Variants in HOXA10 observed in about 807,000 individuals in gnomAD.
HOXA10 encodes homeobox A10.
Under a neutral mutation model 29.7 loss-of-function variants are expected in HOXA10, and 12 were observed. That is an observed-to-expected ratio of 0.40 (90% CI 0.26 to 0.65). The LOEUF is 0.65. Among genes scored for constraint, HOXA10 ranks in the 30% least tolerant of loss-of-function variants. The probability of loss-of-function intolerance (pLI) is 0.37; values close to 1 mark genes in which losing one functional copy is unlikely to be tolerated. For synonymous variants in HOXA10, 327 were observed against 280.7 expected, an observed-to-expected ratio of 1.16 and a Z score of -1.65; for missense variants, 656 against 585.9, an observed-to-expected ratio of 1.12 and a Z score of -1.24.
chr7:27,173,210 C>G, intron 1 of HOXA10, 139 bp downstream of exon 1: 1 of 1,375,324 alleles, frequency 7.3e-7, no homozygotes, highest in South Asian at 1.3e-5. Flanking sequence ...TATTAAAAAG[C>G]AAGTTCACAA....
upstream of HOXA10, chr7:27,174,394 G>T (rs1783608286): frequency 6.4e-7 from 1 of 1,565,874 alleles, no homozygotes; most frequent in African/African-American, 1.3e-5. Flanking sequence ...GAGTTTCCGC[G>T]CGACCACTCC....
chr7:27,171,801 G>A lies in HOXA10; in HGVS notation c.*98C>T. ...ATGGCGAGTGTGGGAGGGAGGAACA[G>A]GGCTCCAGCACAGGTGCGAGTTCCT... On this transcript the variant is annotated 3_prime_UTR_variant, in exon 2 of 2. Coordinates refer to ENST00000283921, the MANE Select transcript of HOXA10 (RefSeq NM_018951.4). 8.1e-7 allele frequency: 1 copy of A among 1,229,314 alleles called. No individual in the cohort carries two copies. The highest frequency in any genetic ancestry group is 1.2e-6 in the Non-Finnish European group (1 of 830,292). 76.2% of individuals were successfully genotyped at this position (1,229,314 alleles called of 1,614,324 possible).
intron 1 of HOXA10, chr7:27,179,594 C>T: frequency 1.3e-6 from 1 of 766,382 alleles, no homozygotes; most frequent in Middle Eastern, 2.3e-4. Flanking sequence ...CATCGGCCAC[C>T]TCCCCACTCC....
upstream of HOXA10, among the ~76,000 whole-genome samples, chr7:27,177,612 T>A (rs1481337910): frequency 6.6e-6 from 1 of 151,934 alleles, no homozygotes; most frequent in Non-Finnish European, 1.5e-5. Flanking sequence ...AACACTGGAG[T>A]GTTAGGTTTC....
At position 27,173,688 on chromosome 7, in the gene HOXA10, C is replaced by A. The variant is rs367645722; in HGVS notation, c.619G>T (p.Gly207Trp). 2 of 1,561,266 alleles carry A rather than the reference C, an allele frequency of 1.3e-6. No homozygotes were observed. Among genetic ancestry groups the A allele is most frequent in the East Asian group, 2.4e-5 (1 of 41,442 alleles). ...CGGAAGTAGCCAGGCACTGGCACCC[C>A]GCTGGAGGTGCCCAGGGCGCAGCCG... ...PDGCALGTSS[G>W]VPVPGYFRLS... The change falls in exon 1 of 2, where the codon GGG becomes TGG. Residue 207 changes from glycine (G) to tryptophan (W), a missense_variant. Around this residue, in one of 2 missense-constraint regions of HOXA10, gnomAD observed 594 missense variants for 491.9 expected, o/e 1.21. Transcript: ENST00000283921.
Position 27,171,274 on chromosome 7 carries a change from C to A in HOXA10, c.*625G>T. ...ATCTTACAGAGGAAGGAAAAATTAACCTTTTTTACTTTCTTTCTCACTTTT... is the reference window on the plus strand; with the variant it reads ...ATCTTACAGAGGAAGGAAAAATTAAACTTTTTTACTTTCTTTCTCACTTTT... On this transcript the variant is annotated 3_prime_UTR_variant, in exon 2 of 2. Coordinates refer to ENST00000283921, the MANE Select transcript of HOXA10 (RefSeq NM_018951.4). 2.2e-6 allele frequency: 1 copy of A among 454,086 alleles called. No individual in the cohort carries two copies. The highest frequency in any genetic ancestry group is 4.4e-6 in the Non-Finnish European group (1 of 226,792). The allele number at this position is 454,086 out of a possible 1,614,324, so 28.1% of individuals were successfully genotyped here.
In HOXA10 at chr7:27,173,743, C is replaced by T. The variant is rs1032040798; in HGVS notation, c.564G>A (p.Leu188=). 4 of 1,599,902 alleles carry T rather than the reference C, an allele frequency of 2.5e-6. No homozygotes were observed. The highest frequency in any genetic ancestry group is 2.6e-6 in the Non-Finnish European group (3 of 1,173,790). ...GCGGCGGGCCCCGCGGGAAGGGAGC[C>T]AGTTCGGCGGCGGTGGCCGAGACTT... is the stretch of plus-strand genomic sequence containing the variant. ...CPKVSATAAE[L]APFPRGPPPD... is the part of the protein sequence containing the mutation. The change falls in exon 1 of 2, where the codon CTG becomes CTA. Residue 188 remains leucine (L), a synonymous_variant. Coordinates refer to ENST00000283921, the MANE Select transcript of HOXA10 (RefSeq NM_018951.4).
rs375513480 is a variant in HOXA10, at chr7:27,173,749, G to C, written c.558C>G (p.Ala186=). The part of the protein sequence containing the change: ...DKCPKVSATA[A]ELAPFPRGPP... ...GGCCCCGCGGGAAGGGAGCCAGTTC[G>C]GCGGCGGTGGCCGAGACTTTGGGGC... Residue 186 remains alanine (A), a synonymous_variant, in exon 1 of 2, where the codon GCC becomes GCG. Transcript: ENST00000283921. 32 of 1,601,846 alleles carry C rather than the reference G, an allele frequency of 2.0e-5. No homozygotes were observed. The highest frequency in any genetic ancestry group is 2.6e-5 in the Non-Finnish European group (30 of 1,174,868).
chr7:27,174,641 C>A (rs886512701), upstream of HOXA10: 47 of 381,564 alleles, frequency 1.2e-4, no homozygotes, highest in African/African-American at 8.7e-4. Context: ...GGCCCTTGGG[C>A]CCCGCGCAGT....
intron 1 of HOXA10, 127 bp downstream of exon 1, chr7:27,173,222 G>T: frequency 6.9e-7 from 1 of 1,457,200 alleles, no homozygotes; most frequent in Non-Finnish European, 9.3e-7. Context: ...AGTTCACAAG[G>T]TCAGCCTGCC....
chr7:27,175,350 G>A (rs962323827), upstream of HOXA10, among the ~76,000 whole-genome samples: 6 of 152,256 alleles, frequency 3.9e-5, no homozygotes, highest in Middle Eastern at 3.4e-3. Flanking sequence ...TGCTCCTGGA[G>A]GCTACAACAA....
upstream of HOXA10, among the ~76,000 whole-genome samples, chr7:27,178,381 G>A (rs1036270768): frequency 2.6e-5 from 4 of 152,190 alleles, no homozygotes; most frequent in Non-Finnish European, 5.9e-5. Context: ...TGTCTGTTTT[G>A]AATCTATCAG....
rs1220847223 is a variant in HOXA10, at chr7:27,173,519, G to T, written c.788C>A (p.Ala263Glu). The T allele has an allele frequency of 1.6e-5, 24 of 1,463,324 alleles. No homozygotes were observed. Among genetic ancestry groups the T allele is most frequent in the East Asian group, 5.5e-5 (2 of 36,268 alleles). The allele number at this position is 1,463,324 out of a possible 1,614,324, so 90.6% of individuals were successfully genotyped here. ...ATCGAGGGCTCGCTCCTTCCGGGCC[G>T]CATCGGCCGAGCCGGAGGCTAGCGC... ...PPALASGSAD[A>E]ARKERALDSP... Residue 263 changes from alanine to glutamate, a missense_variant, in exon 1 of 2, where the codon GCG becomes GAG. Physicochemically the swap from Ala to Glu is moderately radical, Grantham distance 107. Transcript: ENST00000283921.
chr7:27,176,082 C>G (rs182639403), upstream of HOXA10, among the ~76,000 whole-genome samples: 3 of 152,310 alleles, frequency 2.0e-5, no homozygotes, highest in Non-Finnish European at 4.4e-5. Flanking sequence ...CGGCGCCCCA[C>G]GGTGACCCGG....
At position 27,171,534 on chromosome 7, in the gene HOXA10, G is replaced by A. The variant is rs1273900267; in HGVS notation, c.*365C>T. 2.1e-6 allele frequency: 1 copy of A among 474,462 alleles called. No individual in the cohort carries two copies. Among genetic ancestry groups the A allele is most frequent in the Non-Finnish European group, 4.2e-6 (1 of 240,554 alleles). 29.4% of individuals were successfully genotyped at this position (474,462 alleles called of 1,614,324 possible). ...GGACCTCGGCCTTCCGGCTAGGTTT[G>A]CCCCAGGCTGGGCAGGAAACCAGCT... On this transcript the variant is annotated 3_prime_UTR_variant, in exon 2 of 2. Coordinates refer to ENST00000283921, the MANE Select transcript of HOXA10 (RefSeq NM_018951.4).
At chr7:27,173,267 G>A in intron 1 of HOXA10, 82 bp downstream of exon 1, 1 of 1,585,950 alleles carries the variant, frequency 6.3e-7, no homozygotes, top group Non-Finnish European at 8.6e-7. Flanking sequence ...GCTGCTGCGC[G>A]GGCTCCTAGT....
rs1266899360 is a variant in HOXA10 at position 27,174,203 on chromosome 7, A to T, written c.104T>A (p.Ile35Asn). ...GCCTGCCTCGCCTCTGCCCGAGCTGATGAGCGAGTCGACCAAAAAAGAGTT... is the reference window on the plus strand; with the variant it reads ...GCCTGCCTCGCCTCTGCCCGAGCTGTTGAGCGAGTCGACCAAAAAAGAGTT... The part of the protein sequence containing the change: ...AANSFLVDSL[I>N]SSGRGEAGGG... Residue 35 changes from isoleucine to asparagine, a missense_variant, in exon 1 of 2, where the codon ATC (isoleucine) becomes AAC (asparagine). This residue lies in a region of HOXA10 where 594 missense variants were observed against 491.9 expected (regional missense o/e 1.21). Coordinates refer to ENST00000283921, the MANE Select transcript of HOXA10 (RefSeq NM_018951.4). 3.7e-6 allele frequency: 6 copies of T among 1,600,994 alleles called. No homozygotes were observed. The highest frequency in any genetic ancestry group is 4.2e-6 in the Non-Finnish European group (5 of 1,179,784).
exon 1 of HOXA10, chr7:27,179,717 C>A (rs375959652): frequency 2.6e-6 from 2 of 763,294 alleles, no homozygotes; most frequent in East Asian, 5.0e-5. Flanking sequence ...CGAGGCCTAG[C>A]GAATGCGCGT....
At chr7:27,172,479 T>C in intron 1 of HOXA10, 1 of 458,634 alleles carries the variant, frequency 2.2e-6, no homozygotes. Context: ...CTGTACATCT[T>C]GAACTTAACG....
Sources: gnomAD v4.1 joint callset for allele counts (sites outside exome capture counted in the v4.1 genomes callset) on GRCh38, gnomAD v4.1.1 for gene constraint, gnomAD v4.1.1 regional missense constraint, MANE v1.5 for transcripts, NCBI Gene and HGNC (gene_info 2026-07-23, HGNC 2026-07-21) for gene names.